The following CSMD1 variants were observed in gnomAD, a reference collection of about 807,000 sequenced individuals.
The protein encoded by CSMD1 is CUB and sushi domain-containing protein 1.
CSMD1 carries 213 observed loss-of-function variants against 417.5 expected under a neutral mutation model. The observed-to-expected ratio is 0.51, with a 90% confidence interval of 0.46 to 0.57. The LOEUF (loss-of-function observed/expected upper bound fraction) is 0.57, where lower values mean the gene tolerates loss of function less well. Ranked by LOEUF, CSMD1 falls within the 20% of genes least tolerant of loss-of-function variation. CSMD1 has a pLI of 0.00. For synonymous variants in CSMD1, 2,862 were observed against 1,736.8 expected (o/e 1.65, Z -16.11); for missense variants, 6,923 against 4,529.7 (o/e 1.53, Z -15.17).
chr8:4,660,926 CACTT>C (rs1425549056), intron 1 of CSMD1, among the ~76,000 whole-genome samples: 1 of 152,146 alleles, frequency 6.6e-6, no homozygotes, highest in East Asian at 1.9e-4. Flanking sequence ...TATCACTTCA[CACTT>C]ACAATAATGG....
chr8:3,528,778 G>A (rs1480041835), intron 10 of CSMD1, among the ~76,000 whole-genome samples: 2 of 152,154 alleles, frequency 1.3e-5, no homozygotes, highest in Non-Finnish European at 2.9e-5. Flanking sequence ...AAAACTGAAG[G>A]TTGACAGACA....
chr8:3,167,027 C>T (rs375891017), intron 37 of CSMD1, among the ~76,000 whole-genome samples: 44 of 152,138 alleles, frequency 2.9e-4, no homozygotes, highest in African/African-American at 1.1e-3. Flanking sequence ...TGGCTCACGC[C>T]TGTCATCCCA....
chr8:2,982,587 T>C (rs1463325118), intron 54 of CSMD1, among the ~76,000 whole-genome samples: 1 of 152,170 alleles, frequency 6.6e-6, no homozygotes, highest in Non-Finnish European at 1.5e-5. Context: ...GGGATCACTG[T>C]TCCCGTGGCA....
chr8:3,810,521 G>T (rs895568836), intron 5 of CSMD1, among the ~76,000 whole-genome samples: 2 of 152,102 alleles, frequency 1.3e-5, no homozygotes, highest in African/African-American at 4.8e-5. Context: ...AGGTCAGAAT[G>T]GGATGCCTCC....
At chr8:4,015,423 T>C (rs762439804) in intron 4 of CSMD1, among the ~76,000 whole-genome samples, 5 of 152,140 alleles carry the variant, frequency 3.3e-5, no homozygotes, top group Non-Finnish European at 7.3e-5. Context: ...ACAGTTCATA[T>C]AGAATTGGCA....
intron 7 of CSMD1, among the ~76,000 whole-genome samples, chr8:3,663,195 A>G (rs987618371): frequency 3.3e-5 from 5 of 152,158 alleles, no homozygotes; most frequent in Admixed American, 3.3e-4. Flanking sequence ...AGCACAGAGA[A>G]AGCGTGAACA....
At chr8:4,772,059 G>T (rs1419998320) in intron 1 of CSMD1, among the ~76,000 whole-genome samples, 1 of 152,162 alleles carries the variant, frequency 6.6e-6, no homozygotes, top group African/African-American at 2.4e-5. Context: ...CTAAAACCAG[G>T]TATCGGCAGG....
chr8:4,039,663 T>C (rs1797787496), intron 3 of CSMD1, among the ~76,000 whole-genome samples: 1 of 152,180 alleles, frequency 6.6e-6, no homozygotes, highest in South Asian at 2.1e-4. Flanking sequence ...CAGAACTGGC[T>C]GAGAATAACT....
intron 2 of CSMD1, among the ~76,000 whole-genome samples, chr8:4,589,820 C>T (rs1799895083): frequency 6.6e-6 from 1 of 152,172 alleles, no homozygotes; most frequent in Non-Finnish European, 1.5e-5. Flanking sequence ...ATCAAGAATA[C>T]TTTGGCAGTT....
At chr8:4,302,582 G>A (rs1467394151) in intron 3 of CSMD1, among the ~76,000 whole-genome samples, 3 of 152,112 alleles carry the variant, frequency 2.0e-5, no homozygotes, top group South Asian at 2.1e-4. Flanking sequence ...AACCCTATAC[G>A]ATAATGCACC....
intron 2 of CSMD1, among the ~76,000 whole-genome samples, chr8:4,635,287 C>G (rs1328900485): frequency 1.3e-5 from 2 of 152,120 alleles, no homozygotes; most frequent in Non-Finnish European, 2.9e-5. Context: ...TTCACTCAAA[C>G]TCCAAAATGA....
At chr8:3,075,393 TG>T (rs1407813642) in intron 49 of CSMD1, among the ~76,000 whole-genome samples, 4 of 151,826 alleles carry the variant, frequency 2.6e-5, no homozygotes, top group African/African-American at 9.7e-5. Context: ...GTGATTTTCC[TG>T]CCTCAGCCTC....
chr8:3,030,083 T>C (rs1392741563), intron 50 of CSMD1, among the ~76,000 whole-genome samples: 1 of 152,088 alleles, frequency 6.6e-6, no homozygotes, highest in Admixed American at 6.6e-5. Context: ...AAGGAGACCA[T>C]CTATTCATGT....
chr8:4,483,933 TG>T (rs1419298683), intron 2 of CSMD1, among the ~76,000 whole-genome samples: 3 of 152,190 alleles, frequency 2.0e-5, no homozygotes, highest in Non-Finnish European at 4.4e-5. Context: ...CTCACTTTGT[TG>T]TATAATGTCG....
At chr8:4,000,824 C>G (rs998492093) in intron 4 of CSMD1, among the ~76,000 whole-genome samples, 7 of 151,852 alleles carry the variant, frequency 4.6e-5, no homozygotes, top group African/African-American at 1.7e-4. Flanking sequence ...AATGTAAACA[C>G]AGATGCAGAA....
intron 8 of CSMD1, among the ~76,000 whole-genome samples, chr8:3,613,956 G>C (rs926848469): frequency 6.6e-6 from 1 of 151,722 alleles, no homozygotes; most frequent in African/African-American, 2.4e-5. Context: ...AATCCGATTG[G>C]AAAGCAAAAA....
intron 37 of CSMD1, among the ~76,000 whole-genome samples, chr8:3,173,342 A>T (rs1228093557): frequency 6.6e-6 from 1 of 152,216 alleles, no homozygotes; most frequent in African/African-American, 2.4e-5. Flanking sequence ...GACAGAAGCC[A>T]GAATTTACAT....
intron 3 of CSMD1, among the ~76,000 whole-genome samples, chr8:4,212,745 C>CTTTTTTTTTTTT: frequency 9.2e-6 from 1 of 108,316 alleles, no homozygotes; most frequent in African/African-American, 4.8e-5. Flanking sequence ...CAACAGCGGC[C>CTTTTTTTTTTTT]TTATTCTTTT....
At chr8:4,828,551 G>A (rs576122686) in intron 1 of CSMD1, among the ~76,000 whole-genome samples, 1 of 152,188 alleles carries the variant, frequency 6.6e-6, no homozygotes, top group African/African-American at 2.4e-5. Context: ...GTGCCTTCCT[G>A]TGCTCTTTCA....
Sources: allele counts gnomAD v4.1 joint callset (sites outside exome capture counted in the v4.1 genomes callset), GRCh38; gene constraint gnomAD v4.1.1; transcripts MANE v1.5; gene names NCBI Gene and HGNC (gene_info 2026-07-23, HGNC 2026-07-21).